Variants in BAZ2A observed in about 807,000 individuals in gnomAD.
BAZ2A encodes bromodomain adjacent to zinc finger domain protein 2A.
A neutral mutation model predicts 199.9 loss-of-function variants in BAZ2A; 34 were observed. The ratio of observed to expected loss-of-function variants is 0.17; its 90% CI spans 0.13 to 0.23. BAZ2A has a LOEUF of 0.23. Among genes scored for constraint, BAZ2A ranks in the 10% least tolerant of loss-of-function variants. The pLI is 1.00. For missense variants in BAZ2A, 2,002 were observed against 2,391.1 expected (o/e 0.84, Z 3.39); for synonymous variants, 857 against 883.9 (o/e 0.97, Z 0.54).
chr12:56,604,619 C>A lies in BAZ2A; in HGVS notation c.2929G>T (p.Val977Leu), dbSNP rs779852334. ...QQKAAVLAFL[V>L]HELNGSTLII... ...AGGGTGGAGCCATTGAGCTCATGCA[C>A]AAGGAAGGCCAGGACAGCAGCCTTC... is the stretch of plus-strand genomic sequence containing the variant. The change falls in exon 15 of 29, where the codon GTG (valine) becomes TTG (leucine). Residue 977 changes from valine to leucine, a missense_variant. Transcript: ENST00000549884. 8.7e-6 allele frequency: 14 copies of A among 1,601,904 alleles called. No individual in the cohort carries two copies. The highest frequency in any genetic ancestry group is 1.1e-5 in the South Asian group (1 of 88,810).
At position 56,613,022 on chromosome 12, in the gene BAZ2A, G is replaced by A; in HGVS notation, c.1128C>T (p.Val376=). Reference sequence around the variant, plus strand: ...CTACCTACCGTCACTTACCTTGCAGGACAGACTCCCCTAGGACAGGTGGAG... The same window carrying A: ...CTACCTACCGTCACTTACCTTGCAGAACAGACTCCCCTAGGACAGGTGGAG... ...PTSPPVLGES[V]LQDNSFDLNN... is the part of the protein sequence containing the mutation. Residue 376 remains valine, a synonymous_variant, in exon 5 of 29, where the codon GTC becomes GTT. Transcript: ENST00000549884. 2 of 1,612,384 alleles carry A rather than the reference G, an allele frequency of 1.2e-6. No homozygotes were observed. Among genetic ancestry groups the A allele is most frequent in the South Asian group, 1.1e-5 (1 of 91,026 alleles).
intron 7 of BAZ2A, 104 bp downstream of exon 7, chr12:56,611,469 G>T: frequency 1.7e-6 from 2 of 1,153,006 alleles, no homozygotes; most frequent in Non-Finnish European, 1.3e-6. Context: ...CTCTTGTCTG[G>T]CCCATTCCTC....
At chr12:56,607,652 T>A (rs1187774606) in intron 10 of BAZ2A, among the ~76,000 whole-genome samples, 1 of 152,234 alleles carries the variant, frequency 6.6e-6, no homozygotes, top group Admixed American at 6.5e-5. Flanking sequence ...ATTACAGCCG[T>A]GAGCCACCGT....
upstream of BAZ2A, among the ~76,000 whole-genome samples, chr12:56,632,970 CTT>C (rs1951355251): frequency 6.6e-6 from 1 of 152,158 alleles, no homozygotes; most frequent in Admixed American, 6.5e-5. Flanking sequence ...ACCCACCTCT[CTT>C]TTCCCCACCC....
chr12:56,597,539 A>G lies in BAZ2A; in HGVS notation c.*1079T>C, dbSNP rs75648492. 940 of 137,546 alleles carry G rather than the reference A, an allele frequency of 6.8e-3. 7 individuals carry two copies. Among genetic ancestry groups the G allele is most frequent in the Middle Eastern group, 0.014 (4 of 280 alleles). 8.5% of individuals were successfully genotyped at this position (137,546 alleles called of 1,614,324 possible). A position where few individuals can be genotyped will look rare whatever the true frequency, so the allele number is the denominator to read the frequency against. On this transcript the variant is annotated 3_prime_UTR_variant, in exon 29 of 29. Transcript: ENST00000549884. ...TTGGGGAAACTGAATGGATCCTATC[A>G]AACAATACAGGGTCACAAGCACGCA...
rs1950559334 is a variant in BAZ2A, at chr12:56,611,562, A to G, written c.1670+11T>C. On this transcript the variant is annotated intron_variant, in intron 7 of 28. Transcript: ENST00000549884. ...TCAAGGTCAATAAATGTAGCAAACTAGAGCATTTACCCATGTTGGAGGGGA... is the reference window on the plus strand; with the variant it reads ...TCAAGGTCAATAAATGTAGCAAACTGGAGCATTTACCCATGTTGGAGGGGA... 2 of 1,609,340 alleles carry G rather than the reference A, an allele frequency of 1.2e-6. No individual in the cohort carries two copies. The highest frequency in any genetic ancestry group is 1.7e-6 in the Non-Finnish European group (2 of 1,175,670).
rs149467702 is a variant in BAZ2A, at chr12:56,620,109, C to G, written c.-2-2577G>C. Among the ~76,000 whole-genome samples, 203 of 151,476 alleles carry G rather than the reference C, an allele frequency of 1.3e-3. 2 individuals are homozygous for G. The East Asian group carries it at 0.027, about 20-fold the overall frequency. On this transcript the variant is annotated intron_variant, in intron 1 of 28. Coordinates refer to ENST00000549884, the MANE Select transcript of BAZ2A (RefSeq NM_001300905.2). ...AATCTTTTGGCTTCCCTGGACCACA[C>G]TGGAAGAAGTGTCTTGGGCCACACA...
rs1950761899 is a variant in BAZ2A, at chr12:56,617,549, A to G, written c.-2-17T>C. 2 of 1,597,828 alleles carry G rather than the reference A, an allele frequency of 1.3e-6. No homozygotes were observed. Among genetic ancestry groups the G allele is most frequent in the East Asian group, 2.3e-5 (1 of 44,308 alleles). On this transcript the variant is annotated splice_polypyrimidine_tract_variant and intron_variant, in intron 1 of 28. Transcript: ENST00000549884. ...CCTCCATTTCTGCAGGAGGGGAGAG[A>G]GAGGGAAAAAAAATACTGGCGGTTA...
At position 56,596,794 on chromosome 12, in the gene BAZ2A, A is replaced by G. The variant is rs1486412708; in HGVS notation, c.*1824T>C. The G allele has an allele frequency of 1.3e-5, 2 of 152,504 alleles. No individual in the cohort carries two copies. The highest frequency in any genetic ancestry group is 2.4e-5 in the African/African-American group (1 of 41,450). 9.4% of individuals were successfully genotyped at this position (152,504 alleles called of 1,614,324 possible). ...CAAAAAAAAATCTCAAATAAAATTA[A>G]AAGTTTTGAGGTTTATCTGACAGAA... On this transcript the variant is annotated 3_prime_UTR_variant, in exon 29 of 29. Transcript: ENST00000549884.
chr12:56,625,842 C>G (rs1234649349), intron 1 of BAZ2A, among the ~76,000 whole-genome samples: 2 of 144,178 alleles, frequency 1.4e-5, no homozygotes, highest in African/African-American at 5.3e-5. Flanking sequence ...CGCCACTGCA[C>G]TCCAGCCTGG....
At chr12:56,600,615 T>C (rs1886359972) in intron 23 of BAZ2A, 66 bp downstream of exon 23, 1 of 1,575,110 alleles carries the variant, frequency 6.3e-7, no homozygotes, top group East Asian at 2.2e-5. Flanking sequence ...CAGGGTTTTT[T>C]CTAACAGGGC....
intron 1 of BAZ2A, among the ~76,000 whole-genome samples, chr12:56,628,450 C>T (rs1479291505): frequency 6.6e-6 from 1 of 152,092 alleles, no homozygotes; most frequent in Non-Finnish European, 1.5e-5. Context: ...AGAGGGGAGA[C>T]GTTCTTTTAT....
chr12:56,619,317 C>T lies in BAZ2A; in HGVS notation c.-2-1785G>A, dbSNP rs538311393. Among the ~76,000 whole-genome samples the T allele has an allele frequency of 4.2e-3, 628 of 150,990 alleles. 4 individuals are homozygous for T. The highest frequency in any genetic ancestry group is 0.015 in the African/African-American group (602 of 41,024). ...CGGAGATCATGCCATTGCACTCCAG[C>T]CTGGGGGACAAGAGCGAGACTTCAT... On this transcript the variant is annotated intron_variant, in intron 1 of 28. Coordinates refer to ENST00000549884, the MANE Select transcript of BAZ2A (RefSeq NM_001300905.2).
rs148771900 is a variant in BAZ2A, at chr12:56,612,579, A to G, written c.1136-333T>C. On this transcript the variant is annotated intron_variant, in intron 5 of 28. Coordinates refer to ENST00000549884, the MANE Select transcript of BAZ2A (RefSeq NM_001300905.2). ...AGCCTATACCTCTTTTAGTTCCACC[A>G]TACACTATCCCATAGCCCCTCAGCT... 9.2e-5 allele frequency among the ~76,000 whole-genome samples: 14 copies of G among 152,294 alleles called. No homozygotes were observed. The East Asian group carries it at 2.7e-3, about 29-fold the overall frequency.
rs1950241964 is a variant in BAZ2A, at chr12:56,603,367, G to A, written c.3271C>T (p.Leu1091Phe). The change falls in exon 18 of 29, where the codon CTC (leucine) becomes TTC (phenylalanine). Residue 1091 changes from leucine to phenylalanine, a missense_variant. By Grantham distance (22) the Leu-to-Phe change is conservative. Transcript: ENST00000549884. ...GGTTAGAAGCACAATACCTTGCTGA[G>A]TTTTTCTATCTGGCGCTCTAGCTCT... Reference protein sequence around the residue: ...IPELERQIEKLSKRQLFFRKK... With the variant: ...IPELERQIEKFSKRQLFFRKK... 6.2e-7 allele frequency: 1 copy of A among 1,614,004 alleles called. No individual in the cohort carries two copies. Among genetic ancestry groups the A allele is most frequent in the East Asian group, 2.2e-5 (1 of 44,886 alleles).
upstream of BAZ2A, chr12:56,636,469 G>A (rs779720865): frequency 1.8e-5 from 19 of 1,032,410 alleles, no homozygotes; most frequent in Non-Finnish European, 2.1e-5. Flanking sequence ...GAAATATGGA[G>A]GAAGGTTAGA....
chr12:56,616,969 A>C (rs1281808421), intron 2 of BAZ2A, among the ~76,000 whole-genome samples: 1 of 152,196 alleles, frequency 6.6e-6, no homozygotes, highest in Non-Finnish European at 1.5e-5. Flanking sequence ...AGAAGGTGGA[A>C]TAAGTACTTC....
Position 56,611,817 on chromosome 12 carries a change from T to G in BAZ2A, c.1565A>C (p.Asp522Ala). 6.4e-7 allele frequency: 1 copy of G among 1,568,390 alleles called. No homozygotes were observed. Among genetic ancestry groups the G allele is most frequent in the Non-Finnish European group, 8.6e-7 (1 of 1,157,472 alleles). ...TCCTTCTCCAGTGATCTCTTCCACG[T>G]CAGCAGTGGTTTCTAGAAAGCTGCT... ...DVSSFLETTA[D>A]VEEITGEGLT... Residue 522 changes from aspartate (D) to alanine (A), a missense_variant, in exon 6 of 29, where the codon GAC becomes GCC. By Grantham distance (126) the Asp-to-Ala change is moderately radical (BLOSUM62 -2). Transcript: ENST00000549884.
At chr12:56,614,299 C>A in intron 3 of BAZ2A, 161 bp from the exon 4 acceptor site, 1 of 674,504 alleles carries the variant, frequency 1.5e-6, no homozygotes, top group Non-Finnish European at 2.4e-6. Context: ...ATACTCTGAG[C>A]AGAGATGTGC....
Sources: allele counts gnomAD v4.1 joint callset (sites outside exome capture counted in the v4.1 genomes callset), GRCh38; gene constraint gnomAD v4.1.1; transcripts MANE v1.5; gene names NCBI Gene and HGNC (gene_info 2026-07-23, HGNC 2026-07-21).